The following NF2 variants were observed in gnomAD, a reference collection of about 807,000 sequenced individuals.
NF2 encodes the protein merlin.
A neutral mutation model predicts 83.7 loss-of-function variants in NF2; 8 were observed. That is an observed-to-expected ratio of 0.10 (90% confidence interval 0.06 to 0.17). NF2 has a LOEUF of 0.17. Among genes scored for constraint, NF2 ranks in the 10% least tolerant of loss-of-function variants. The probability of loss-of-function intolerance (pLI) is 1.00; values close to 1 mark genes in which losing one functional copy is unlikely to be tolerated. For missense variants in NF2, 533 were observed against 744.4 expected, an observed-to-expected ratio of 0.72 and a Z score of 3.31; for synonymous variants, 266 against 269.6, an observed-to-expected ratio of 0.99 and a Z score of 0.13.
chr22:29,630,675 C>T (rs991177989), intron 1 of NF2, among the ~76,000 whole-genome samples: 1 of 152,204 alleles, frequency 6.6e-6, no homozygotes, highest in Non-Finnish European at 1.5e-5. Flanking sequence ...CTCACGCCCT[C>T]CACCTCTCTC....
At chr22:29,622,132 C>G (rs1331580179) in intron 1 of NF2, among the ~76,000 whole-genome samples, 1 of 152,212 alleles carries the variant, frequency 6.6e-6, no homozygotes, top group Non-Finnish European at 1.5e-5. Context: ...AAGAAGAGAT[C>G]ATTTGAAGGA....
intron 10 of NF2, among the ~76,000 whole-genome samples, chr22:29,669,922 T>A (rs2066731438): frequency 6.6e-6 from 1 of 152,200 alleles, no homozygotes; most frequent in Non-Finnish European, 1.5e-5. Flanking sequence ...GCAGTAAACT[T>A]CTTTTGTGAA....
chr22:29,681,431 G>T lies in NF2; in HGVS notation c.1575-8G>T. The T allele has an allele frequency of 1.2e-6, 2 of 1,613,700 alleles. No individual in the cohort carries two copies. The highest frequency in any genetic ancestry group is 1.7e-6 in the Non-Finnish European group (2 of 1,179,816). The stretch of plus-strand genomic sequence containing the variant: ...AAGCCCTGATGCATGATACCCTCTT[G>T]CCGGCAGAGTGGAATACATGGAAAA... On this transcript the variant is annotated splice_region_variant and splice_polypyrimidine_tract_variant and intron_variant, in intron 14 of 15. Coordinates refer to ENST00000338641, the MANE Select transcript of NF2 (RefSeq NM_000268.4).
rs2146853392 is a variant in NF2 at position 29,636,819 on chromosome 22, C to T, written c.183C>T (p.Phe61=). 1.2e-6 allele frequency: 2 copies of T among 1,614,160 alleles called. No individual in the cohort carries two copies. The highest frequency in any genetic ancestry group is 1.7e-6 in the Non-Finnish European group (2 of 1,180,036). The change falls in exon 2 of 16, where the codon TTC becomes TTT. Residue 61 remains phenylalanine (F), a synonymous_variant. Coordinates refer to ENST00000338641, the MANE Select transcript of NF2 (RefSeq NM_000268.4). The surrounding 1 kb of genome is among the most constrained non-coding windows in gnomAD (Gnocchi z 4.4). ...CTCTGGGGCTCCGAGAAACCTGGTT[C>T]TTTGGACTGCAGTACACAATCAAGG... ...CRTLGLRETW[F]FGLQYTIKDT... is the part of the protein sequence containing the mutation.
At chr22:29,677,184 A>ATGGATGGAATCG (rs1336719428) in intron 13 of NF2, among the ~76,000 whole-genome samples, 1 of 152,246 alleles carries the variant, frequency 6.6e-6, no homozygotes, top group Non-Finnish European at 1.5e-5. Context: ...GAAATCTTTT[A>ATGGATGGAATCG]CAGGGTGGAA....
chr22:29,616,852 A>G (rs1042620221), intron 1 of NF2, among the ~76,000 whole-genome samples: 7 of 152,042 alleles, frequency 4.6e-5, no homozygotes, highest in African/African-American at 9.7e-5. Flanking sequence ...TCTCTGATCT[A>G]AGTTACTATT....
chr22:29,632,538 A>G (rs1263447984), intron 1 of NF2, among the ~76,000 whole-genome samples: 2 of 152,192 alleles, frequency 1.3e-5, no homozygotes, highest in South Asian at 2.1e-4. Flanking sequence ...CAGCTAGTTC[A>G]TATCCTAGTC....
At chr22:29,667,956 C>A (rs1318014866) in intron 9 of NF2, among the ~76,000 whole-genome samples, 1 of 152,040 alleles carries the variant, frequency 6.6e-6, no homozygotes, top group Non-Finnish European at 1.5e-5. Context: ...AGGGATACAA[C>A]TTATTTTTTT....
chr22:29,642,143 A>G lies in NF2; in HGVS notation c.364-59A>G, dbSNP rs532580200. ...CGCCGTGAGGCCATCTGTTGTGATC[A>G]GCCTACACACCTCACTTCCACTCAC... is the stretch of plus-strand genomic sequence containing the variant. On this transcript the variant is annotated intron_variant, in intron 3 of 15. Transcript: ENST00000338641. 28 of 1,362,646 alleles carry G rather than the reference A, an allele frequency of 2.1e-5. No individual in the cohort carries two copies. The South Asian group carries it at 2.9e-4, about 14-fold the overall frequency. The allele number at this position is 1,362,646 out of a possible 1,614,324, so 84.4% of individuals were successfully genotyped here. A position where few individuals can be genotyped will look rare whatever the true frequency, so the allele number is the denominator to read the frequency against.
chr22:29,696,824 G>GTT lies in NF2; in HGVS notation c.*2031_*2032dup, dbSNP rs11442202. The GTT allele has an allele frequency of 0.022, 3,554 of 163,208 alleles. 19 individuals are homozygous for GTT. Among genetic ancestry groups the GTT allele is most frequent in the East Asian group, 0.066 (570 of 8,658 alleles). The allele number at this position is 163,208 out of a possible 1,614,324, so 10.1% of individuals were successfully genotyped here. A position where few individuals can be genotyped will look rare whatever the true frequency, so the allele number is the denominator to read the frequency against. On this transcript the variant is annotated 3_prime_UTR_variant, in exon 16 of 16. Coordinates refer to ENST00000338641, the MANE Select transcript of NF2 (RefSeq NM_000268.4). ...TTTTTTTTTTTCTGTTTCTGTTTCT[G>GTT]TTTTTTTTTTGAGATGGAGTCTCGC...
At chr22:29,670,257 C>A (rs2147061932) in intron 10 of NF2, among the ~76,000 whole-genome samples, 1 of 152,270 alleles carries the variant, frequency 6.6e-6, no homozygotes, top group Middle Eastern at 3.4e-3. Context: ...TTCAGCCCCC[C>A]AAAGTGCTAG....
chr22:29,609,340 C>G, intron 1 of NF2: 1 of 639,330 alleles, frequency 1.6e-6, no homozygotes, highest in Non-Finnish European at 3.0e-6. Flanking sequence ...CTATAGAGGT[C>G]GCTGGTGGAA....
At chr22:29,619,733 G>T (rs780262344) in intron 1 of NF2, among the ~76,000 whole-genome samples, 36 of 152,098 alleles carry the variant, frequency 2.4e-4, no homozygotes, top group Admixed American at 5.9e-4. Flanking sequence ...GGATGGCATG[G>T]GTGCCACTAC....
chr22:29,653,175 G>A (rs1286069957), intron 4 of NF2, among the ~76,000 whole-genome samples: 1 of 152,162 alleles, frequency 6.6e-6, no homozygotes, highest in African/African-American at 2.4e-5. Context: ...GCCAGGCGCG[G>A]TGGCTGACGC....
chr22:29,696,795 GT>G lies in NF2; in HGVS notation c.*2007del, dbSNP rs886057365. 3,599 of 167,946 alleles carry G rather than the reference GT, an allele frequency of 0.021. No homozygotes were observed. The highest frequency in any genetic ancestry group is 0.067 in the East Asian group (674 of 10,058). 10.4% of individuals were successfully genotyped at this position (167,946 alleles called of 1,614,324 possible). A position where few individuals can be genotyped will look rare whatever the true frequency, so the allele number is the denominator to read the frequency against. ...AGTGAGGTCTGGCTCTGCCTCCTCC[GT>G]TTTTTTTTTTTTTCTGTTTCTGTTT... On this transcript the variant is annotated 3_prime_UTR_variant, in exon 16 of 16. Coordinates refer to ENST00000338641, the MANE Select transcript of NF2 (RefSeq NM_000268.4).
chr22:29,690,988 T>G (rs1469330578), intron 15 of NF2, among the ~76,000 whole-genome samples: 4 of 152,222 alleles, frequency 2.6e-5, no homozygotes, highest in Admixed American at 2.6e-4. Context: ...TCACCAGAGC[T>G]TGGCTCACTT....
chr22:29,641,624 C>T (rs2065813270), intron 3 of NF2, among the ~76,000 whole-genome samples: 1 of 152,144 alleles, frequency 6.6e-6, no homozygotes, highest in East Asian at 1.9e-4. Flanking sequence ...AAATTAAGTG[C>T]AATGAAATAT....
intron 4 of NF2, among the ~76,000 whole-genome samples, chr22:29,653,815 T>C (rs1400798732): frequency 6.6e-6 from 1 of 152,220 alleles, no homozygotes; most frequent in African/African-American, 2.4e-5. Context: ...GTTTATAGAT[T>C]ATACTGAAGT....
intron 4 of NF2, among the ~76,000 whole-genome samples, chr22:29,642,544 C>T (rs1420950466): frequency 6.6e-6 from 1 of 151,886 alleles, no homozygotes; most frequent in African/African-American, 2.4e-5. Flanking sequence ...AATTAGAATT[C>T]ATTCTAAGTG....
Sources: allele counts gnomAD v4.1 joint callset (sites outside exome capture counted in the v4.1 genomes callset), GRCh38; gene constraint gnomAD v4.1.1; non-coding constraint Gnocchi (gnomAD v3.1); transcripts MANE v1.5; gene names NCBI Gene and HGNC (gene_info 2026-07-23, HGNC 2026-07-21).